CD1B: variants seen among roughly 807,000 people sequenced by gnomAD.
CD1B encodes CD1b molecule.
CD1B carries 43 observed loss-of-function variants against 39.8 expected under a neutral mutation model. That is an observed-to-expected ratio of 1.08 (90% CI 0.85 to 1.39). CD1B has a LOEUF of 1.39. Among genes scored for constraint, CD1B ranks in the 40% most tolerant of loss-of-function variants. The probability of loss-of-function intolerance (pLI) is 0.00; values close to 1 mark genes in which losing one functional copy is unlikely to be tolerated. For missense variants in CD1B, 495 were observed against 403.8 expected, an observed-to-expected ratio of 1.23 and a Z score of -1.94; for synonymous variants, 192 against 152.5, an observed-to-expected ratio of 1.26 and a Z score of -1.91.
chr1:158,286,841 T>G, the CD1B span, among the ~76,000 whole-genome samples: 6 of 149,612 alleles, frequency 4.0e-5, no homozygotes, highest in African/African-American at 1.2e-4. Flanking sequence ...ATACTTTTTG[T>G]TTTTTTTTCC....
the CD1B span, among the ~76,000 whole-genome samples, chr1:158,302,644 A>G: frequency 6.6e-6 from 1 of 152,202 alleles, no homozygotes; most frequent in Admixed American, 6.5e-5. Context: ...CCACTCAGAT[A>G]CTGTTATGAA....
the CD1B span, among the ~76,000 whole-genome samples, chr1:158,318,445 A>G: frequency 4.0e-5 from 6 of 151,844 alleles, no homozygotes; most frequent in South Asian, 2.1e-4. Context: ...TTTGATCTTT[A>G]TTAGTTTAAA....
At chr1:158,311,542 CA>C in the CD1B span, among the ~76,000 whole-genome samples, 8 of 152,084 alleles carry the variant, frequency 5.3e-5, 1 homozygote, top group African/African-American at 1.9e-4. Context: ...TTTGTATTAC[CA>C]GTGCTTTTGA....
chr1:158,324,539 G>T (rs1652283316), downstream of CD1B, among the ~76,000 whole-genome samples: 1 of 152,190 alleles, frequency 6.6e-6, no homozygotes, highest in African/African-American at 2.4e-5. Context: ...GATTTTCCGT[G>T]TGGGAGAAAA....
downstream of CD1B, among the ~76,000 whole-genome samples, chr1:158,323,390 G>A (rs1185678272): frequency 6.6e-6 from 1 of 151,808 alleles, no homozygotes; most frequent in Non-Finnish European, 1.5e-5. Flanking sequence ...TTTCTGAACT[G>A]CTTTTCTCTG....
chr1:158,287,015 C>G, the CD1B span, among the ~76,000 whole-genome samples: 1 of 152,176 alleles, frequency 6.6e-6, no homozygotes, highest in Admixed American at 6.5e-5. Flanking sequence ...GGCCCTGGCT[C>G]TCACAGGAAC....
the CD1B span, among the ~76,000 whole-genome samples, chr1:158,321,405 G>A: frequency 1.7e-4 from 26 of 152,070 alleles, no homozygotes; most frequent in South Asian, 4.1e-4. Context: ...GTTCTTCTGC[G>A]TAAAGTGAGG....
the CD1B span, chr1:158,293,716 G>C: frequency 3.3e-6 from 3 of 901,018 alleles, no homozygotes; most frequent in Non-Finnish European, 3.4e-6. Context: ...GATCTTCCTT[G>C]ACCCATACTG....
the CD1B span, among the ~76,000 whole-genome samples, chr1:158,299,622 T>C: frequency 6.6e-6 from 1 of 152,162 alleles, no homozygotes; most frequent in Non-Finnish European, 1.5e-5. Context: ...GTCCTGGACT[T>C]TTTTTGGTTG....
the CD1B span, among the ~76,000 whole-genome samples, chr1:158,303,630 G>A: frequency 6.6e-6 from 1 of 152,176 alleles, no homozygotes; most frequent in African/African-American, 2.4e-5. Context: ...TATCAATAAA[G>A]TCCAGACCGA....
the CD1B span, among the ~76,000 whole-genome samples, chr1:158,320,577 G>A: frequency 5.3e-3 from 803 of 152,174 alleles, 8 homozygotes; most frequent in African/African-American, 0.018. Flanking sequence ...CTAGTGAGAC[G>A]AACCCGGTAC....
Position 158,329,513 on chromosome 1 carries a change from G to A in CD1B, c.743C>T (p.Thr248Ile). The part of the protein sequence containing the change: ...WMRGEQEQQG[T>I]QLGDILPNAN... ...ATTGGGCAGGATGTCCCCTAGCTGA[G>A]TGCCCTGCTGCTCCTGCTCACCCCG... is the stretch of plus-strand genomic sequence containing the variant. The change falls in exon 4 of 6, where the codon ACT (threonine) becomes ATT (isoleucine). Residue 248 changes from threonine (T) to isoleucine (I), a missense_variant. Thr to Ile is a moderately conservative substitution (Grantham distance 89, BLOSUM62 -1). Transcript: ENST00000368168. The A allele has an allele frequency of 6.2e-7, 1 of 1,614,172 alleles. No individual in the cohort carries two copies. The highest frequency in any genetic ancestry group is 8.5e-7 in the Non-Finnish European group (1 of 1,180,044).
At chr1:158,300,526 G>A in the CD1B span, among the ~76,000 whole-genome samples, 1 of 151,996 alleles carries the variant, frequency 6.6e-6, no homozygotes, top group African/African-American at 2.4e-5. Context: ...TTCAAGTCCT[G>A]GATATCCTTG....
At chr1:158,308,219 C>T in the CD1B span, among the ~76,000 whole-genome samples, 12 of 152,264 alleles carry the variant, frequency 7.9e-5, no homozygotes, top group African/African-American at 2.6e-4. Flanking sequence ...CATGAGTGAA[C>T]TCCCATTCAC....
the CD1B span, among the ~76,000 whole-genome samples, chr1:158,310,530 A>G: frequency 1.3e-5 from 2 of 152,158 alleles, no homozygotes; most frequent in Non-Finnish European, 2.9e-5. Context: ...TAAACAGACA[A>G]CTTACAGAAT....
chr1:158,316,425 A>G, the CD1B span, among the ~76,000 whole-genome samples: 2 of 151,648 alleles, frequency 1.3e-5, no homozygotes, highest in South Asian at 4.2e-4. Context: ...AGCAATTGTG[A>G]ATGGGATTTC....
chr1:158,291,088 C>CTTTT, the CD1B span: 2 of 1,267,848 alleles, frequency 1.6e-6, no homozygotes, highest in South Asian at 1.4e-5. Context: ...CCTTGCCTCT[C>CTTTT]TTTTTTTTTT....
At chr1:158,293,603 T>A in the CD1B span, 16 of 1,607,716 alleles carry the variant, frequency 1.0e-5, no homozygotes, top group Admixed American at 2.7e-4. Flanking sequence ...TAAACATTTG[T>A]TAATAAAAAC....
chr1:158,306,046 ACAT>A, the CD1B span, among the ~76,000 whole-genome samples: 2 of 152,252 alleles, frequency 1.3e-5, no homozygotes, highest in East Asian at 3.9e-4. Context: ...TAACCACCTA[ACAT>A]CATAATGACA....
Sources: allele counts gnomAD v4.1 joint callset (sites outside exome capture counted in the v4.1 genomes callset), GRCh38; gene constraint gnomAD v4.1.1; transcripts MANE v1.5; gene names NCBI Gene and HGNC (gene_info 2026-07-23, HGNC 2026-07-21).